CDADC1: variants seen among roughly 807,000 people sequenced by gnomAD.
CDADC1 encodes the protein dCTP deaminase.
A neutral mutation model predicts 54.9 loss-of-function variants in CDADC1; 39 were observed. That is an observed-to-expected ratio of 0.71 (90% CI 0.55 to 0.93). The LOEUF (loss-of-function observed/expected upper bound fraction) is 0.93, where lower values mean the gene tolerates loss of function less well. Among genes scored for constraint, CDADC1 ranks in the 40% least tolerant of loss-of-function variants. CDADC1 has a pLI of 0.00. For missense variants in CDADC1, 518 were observed against 618.8 expected (o/e 0.84, Z 1.73); for synonymous variants, 186 against 204.0 (o/e 0.91, Z 0.75).
At chr13:49,271,830 A>G (rs946302581) in intron 5 of CDADC1, among the ~76,000 whole-genome samples, 3 of 152,086 alleles carry the variant, frequency 2.0e-5, no homozygotes, top group African/African-American at 7.2e-5. Context: ...TACAGAGAAA[A>G]CCCTGTGAAT....
intron 8 of CDADC1, among the ~76,000 whole-genome samples, chr13:49,283,205 A>G (rs1653636648): frequency 6.6e-6 from 1 of 152,066 alleles, no homozygotes; most frequent in African/African-American, 2.4e-5. Flanking sequence ...ATATATGTAT[A>G]TAATTTTAAA....
In CDADC1 at chr13:49,255,873, A is replaced by T; in HGVS notation, c.212A>T (p.Asp71Val). Residue 71 changes from aspartate (D) to valine (V), a missense_variant, in exon 3 of 10, where the codon GAT becomes GTT. Physicochemically the swap from Asp to Val is radical, Grantham distance 152 (BLOSUM62 -3). Coordinates refer to ENST00000251108, the MANE Select transcript of CDADC1 (RefSeq NM_030911.4). ...GAGGGAAAGCATGGACCCTTAGGAGATAATGAAGAGAGGACCAGAGTATCT... is the reference window on the plus strand; with the variant it reads ...GAGGGAAAGCATGGACCCTTAGGAGTTAATGAAGAGAGGACCAGAGTATCT... Reference protein sequence around the residue: ...NEEGKHGPLGDNEERTRVSTD... With the variant: ...NEEGKHGPLGVNEERTRVSTD... The T allele has an allele frequency of 3.1e-6, 5 of 1,611,786 alleles. No individual in the cohort carries two copies. The highest frequency in any genetic ancestry group is 4.2e-6 in the Non-Finnish European group (5 of 1,179,308).
chr13:49,284,260 T>C (rs1439989059), intron 8 of CDADC1, among the ~76,000 whole-genome samples: 1 of 152,232 alleles, frequency 6.6e-6, no homozygotes, highest in Non-Finnish European at 1.5e-5. Flanking sequence ...AAGTAGTATA[T>C]GCTCATTGTA....
intron 3 of CDADC1, 30 bp from the exon 4 acceptor site, chr13:49,259,316 A>G (rs1361590675): frequency 6.8e-7 from 1 of 1,480,890 alleles, no homozygotes; most frequent in South Asian, 1.2e-5. Flanking sequence ...TGTTATAACT[A>G]ATAAGTTGTT....
intron 3 of CDADC1, among the ~76,000 whole-genome samples, chr13:49,256,242 A>G (rs1314870157): frequency 2.0e-5 from 3 of 152,114 alleles, no homozygotes; most frequent in Non-Finnish European, 2.9e-5. Flanking sequence ...GCAAGGCCCT[A>G]ACCATTTTTT....
At chr13:49,261,333 C>T (rs1179093819) in intron 4 of CDADC1, among the ~76,000 whole-genome samples, 1 of 152,186 alleles carries the variant, frequency 6.6e-6, no homozygotes, top group Non-Finnish European at 1.5e-5. Context: ...TGATTGGATT[C>T]TATATTCTCA....
In CDADC1 at chr13:49,253,308, A is replaced by C. The variant is rs569528368; in HGVS notation, c.178-2531A>C. ...CCTAGAGACTAATTACTTTTTAAAAATTGTTTCTCAGTCTTTTTTCTCTTA... is the reference window on the plus strand; with the variant it reads ...CCTAGAGACTAATTACTTTTTAAAACTTGTTTCTCAGTCTTTTTTCTCTTA... On this transcript the variant is annotated intron_variant, in intron 2 of 9. Coordinates refer to ENST00000251108, the MANE Select transcript of CDADC1 (RefSeq NM_030911.4). Among the ~76,000 whole-genome samples the C allele has an allele frequency of 2.6e-5, 4 of 152,332 alleles. No homozygotes were observed. In the East Asian group the frequency reaches 7.7e-4, roughly 29 times the overall value.
rs1459593882 is a variant in CDADC1, at chr13:49,265,822, A to G, written c.431-1668A>G. ...AAAATTTGAGAAACTCTGCTTTAGC[A>G]TTTGCCACTAATACACAAATGTCTG... is the stretch of plus-strand genomic sequence containing the variant. On this transcript the variant is annotated intron_variant, in intron 4 of 9. Coordinates refer to ENST00000251108, the MANE Select transcript of CDADC1 (RefSeq NM_030911.4). The G allele has an allele frequency of 7.1e-6, 9 of 1,276,594 alleles. No homozygotes were observed. The African/African-American group carries it at 9.2e-5, about 13-fold the overall frequency. 79.1% of individuals were successfully genotyped at this position (1,276,594 alleles called of 1,614,324 possible).
In CDADC1 at chr13:49,291,740, C is replaced by T. The variant is rs376714185; in HGVS notation, c.1528C>T (p.Arg510Cys). 50 of 1,613,852 alleles carry T rather than the reference C, an allele frequency of 3.1e-5. No individual in the cohort carries two copies. The highest frequency in any genetic ancestry group is 2.9e-4 in the East Asian group (13 of 44,896). ...AGAGCAGCACCAGGACAAGAAGCTG[C>T]GCCTCGGAATCCACTAAGAAGGCCT... The part of the protein sequence containing the change: ...KEEQHQDKKL[R>C]LGIH The change falls in exon 10 of 10, where the codon CGC (arginine) becomes TGC (cysteine). Residue 510 changes from arginine (R) to cysteine (C), a missense_variant. Transcript: ENST00000251108.
chr13:49,255,935 T>A, intron 3 of CDADC1, 22 bp downstream of exon 3: 7 of 1,604,692 alleles, frequency 4.4e-6, no homozygotes, highest in Non-Finnish European at 5.9e-6. Flanking sequence ...TGATTTCACA[T>A]ATATATGCTC....
At chr13:49,275,860 C>G (rs1282246646) in intron 6 of CDADC1, among the ~76,000 whole-genome samples, 1 of 150,120 alleles carries the variant, frequency 6.7e-6, no homozygotes, top group Non-Finnish European at 1.5e-5. Flanking sequence ...CCTCTGCCTC[C>G]TGGGTTCAAG....
intron 2 of CDADC1, among the ~76,000 whole-genome samples, chr13:49,251,469 C>T (rs536192350): frequency 4.6e-5 from 7 of 151,138 alleles, no homozygotes; most frequent in Non-Finnish European, 7.4e-5. Flanking sequence ...TTTGAAAAGG[C>T]GTTCTTTTTT....
intron 5 of CDADC1, among the ~76,000 whole-genome samples, chr13:49,271,890 T>G (rs978649244): frequency 3.9e-5 from 6 of 152,170 alleles, no homozygotes; most frequent in Non-Finnish European, 7.4e-5. Flanking sequence ...CATGAAAAGA[T>G]TTTTGAGAAA....
chr13:49,259,666 C>A, intron 4 of CDADC1, 143 bp downstream of exon 4: 1 of 705,664 alleles, frequency 1.4e-6, no homozygotes. Context: ...GCCTGTGCAA[C>A]ATAGGGAGAC....
At chr13:49,256,717 G>A (rs1347915613) in intron 3 of CDADC1, among the ~76,000 whole-genome samples, 1 of 152,154 alleles carries the variant, frequency 6.6e-6, no homozygotes, top group African/African-American at 2.4e-5. Flanking sequence ...GATGCAGAGT[G>A]GAGACTAAGC....
At position 49,293,191 on chromosome 13, in the gene CDADC1, C is replaced by T. The variant is rs1267461242; in HGVS notation, c.*1434C>T. ...TTGCTTTATTGTATTAACTCTCATGCTTCAGCTCTTGGATTTGTTGTTTCT... is the reference window on the plus strand; with the variant it reads ...TTGCTTTATTGTATTAACTCTCATGTTTCAGCTCTTGGATTTGTTGTTTCT... On this transcript the variant is annotated 3_prime_UTR_variant, in exon 10 of 10. Coordinates refer to ENST00000251108, the MANE Select transcript of CDADC1 (RefSeq NM_030911.4). 6.6e-6 allele frequency: 1 copy of T among 152,402 alleles called. No individual in the cohort carries two copies. The highest frequency in any genetic ancestry group is 1.5e-5 in the Non-Finnish European group (1 of 68,176). 9.4% of individuals were successfully genotyped at this position (152,402 alleles called of 1,614,324 possible). A position where few individuals can be genotyped will look rare whatever the true frequency, so the allele number is the denominator to read the frequency against.
At chr13:49,251,204 T>A (rs1255051089) in intron 2 of CDADC1, among the ~76,000 whole-genome samples, 1 of 151,984 alleles carries the variant, frequency 6.6e-6, no homozygotes, top group African/African-American at 2.4e-5. Flanking sequence ...GGTCAAGAGA[T>A]CGAGACCATC....
At chr13:49,277,131 CA>C (rs1191839491) in intron 6 of CDADC1, among the ~76,000 whole-genome samples, 2 of 151,674 alleles carry the variant, frequency 1.3e-5, no homozygotes, top group Non-Finnish European at 2.9e-5. Context: ...TTAATAGTAT[CA>C]CTCTTTAGGT....
rs923325421 is a variant in CDADC1, at chr13:49,278,501, A to C, written c.1202A>C (p.Gln401Pro). 5 of 1,550,358 alleles carry C rather than the reference A, an allele frequency of 3.2e-6. No individual in the cohort carries two copies. The highest frequency in any genetic ancestry group is 4.4e-6 in the Non-Finnish European group (5 of 1,135,194). The stretch of plus-strand genomic sequence containing the variant: ...TTCAGATACATCATACATGCGGAAC[A>C]GAATGCCTTGACATTTAGGTATGAA... ...RKFRYIIHAE[Q>P]NALTFRCQEI... The change falls in exon 7 of 10, where the codon CAG becomes CCG. Residue 401 changes from glutamine to proline, a missense_variant. Coordinates refer to ENST00000251108, the MANE Select transcript of CDADC1 (RefSeq NM_030911.4).
Sources: allele counts gnomAD v4.1 joint callset (sites outside exome capture counted in the v4.1 genomes callset), GRCh38; gene constraint gnomAD v4.1.1; transcripts MANE v1.5; gene names NCBI Gene and HGNC (gene_info 2026-07-23, HGNC 2026-07-21).